PCBP3: variants seen among roughly 807,000 people sequenced by gnomAD.
PCBP3 encodes poly(rC) binding protein 3.
A neutral mutation model predicts 52.7 loss-of-function variants in PCBP3; 25 were observed. The ratio of observed to expected loss-of-function variants is 0.47; its 90% CI spans 0.35 to 0.66. The LOEUF (loss-of-function observed/expected upper bound fraction) is 0.66. PCBP3 is among the 30% of genes least tolerant of loss of function. The pLI is 0.01. For missense variants in PCBP3, 391 were observed against 490.3 expected, an observed-to-expected ratio of 0.80 and a Z score of 1.91; for synonymous variants, 162 against 183.0, an observed-to-expected ratio of 0.89 and a Z score of 0.93.
intron 4 of PCBP3, among the ~76,000 whole-genome samples, chr21:45,794,264 A>C (rs938295017): frequency 3.3e-5 from 5 of 152,222 alleles, no homozygotes; most frequent in African/African-American, 1.2e-4. Flanking sequence ...GAAAATTTAC[A>C]AATTAGCTGG....
rs530604948 is a variant in PCBP3, at chr21:45,791,737, G to A, written c.-126+36285G>A. On this transcript the variant is annotated intron_variant, in intron 4 of 17. Transcript: ENST00000681687. This position sits in a 1 kb window ranked among gnomAD's most constrained non-coding sequence, Gnocchi z 4.2. ...AGAATAGTACTACTTGGTTTCCCTG[G>A]TAACTGCCAACCGCTTGACTGACTG... Among the ~76,000 whole-genome samples the A allele has an allele frequency of 1.3e-5, 2 of 152,338 alleles. No homozygotes were observed. The highest frequency in any genetic ancestry group is 4.8e-5 in the African/African-American group (2 of 41,572).
intron 4 of PCBP3, among the ~76,000 whole-genome samples, chr21:45,834,974 G>A (rs1213077154): frequency 6.6e-6 from 1 of 152,236 alleles, no homozygotes; most frequent in Non-Finnish European, 1.5e-5. Context: ...GTGTCCACCC[G>A]TGCTCGGGGT....
At position 45,818,053 on chromosome 21, in the gene PCBP3, C is replaced by T. The variant is rs549167699; in HGVS notation, c.-125-31908C>T. ...ATTATTATTTTTTGAGACAGAGTCTCGCACTGTCGCCCAGGCTGGAGTGCA... is the reference window on the plus strand; with the variant it reads ...ATTATTATTTTTTGAGACAGAGTCTTGCACTGTCGCCCAGGCTGGAGTGCA... On this transcript the variant is annotated intron_variant, in intron 4 of 17. Coordinates refer to ENST00000681687, the MANE Select transcript of PCBP3 (RefSeq NM_001384156.1). Among the ~76,000 whole-genome samples the T allele has an allele frequency of 2.3e-4, 35 of 152,158 alleles. No individual in the cohort carries two copies. In the East Asian group the frequency reaches 4.6e-3, roughly 20 times the overall value.
intron 2 of PCBP3, among the ~76,000 whole-genome samples, chr21:45,695,362 C>G (rs1204770556): frequency 1.3e-5 from 2 of 152,104 alleles, no homozygotes; most frequent in Non-Finnish European, 2.9e-5. Flanking sequence ...GATGGCATGG[C>G]AGCCAGTGGG....
At chr21:45,909,882 CACCCACTGCCCAGATACAGACCCGG>C in intron 10 of PCBP3, among the ~76,000 whole-genome samples, 1 of 111,374 alleles carries the variant, frequency 9.0e-6, no homozygotes, top group African/African-American at 3.4e-5. Flanking sequence ...CGGACCCGGC[CACCCACTGCCCAGATACAGACCCGG>C]CCCACCCACT....
intron 2 of PCBP3, among the ~76,000 whole-genome samples, chr21:45,681,435 A>G (rs1444192188): frequency 1.3e-5 from 2 of 152,212 alleles, no homozygotes; most frequent in Non-Finnish European, 2.9e-5. Flanking sequence ...TTCTTTGTAC[A>G]GAGGCTCCCT....
intron 2 of PCBP3, among the ~76,000 whole-genome samples, chr21:45,694,806 G>C (rs940460235): frequency 6.6e-6 from 1 of 152,108 alleles, no homozygotes; most frequent in Non-Finnish European, 1.5e-5. Flanking sequence ...AAAAATTAAA[G>C]AATGCTTAAG....
At chr21:45,901,172 G>T in intron 9 of PCBP3, 59 bp downstream of exon 9, 9 of 1,229,164 alleles carry the variant, frequency 7.3e-6, no homozygotes, top group Non-Finnish European at 1.1e-5. Context: ...GTCCCAGCTG[G>T]CTCCCTGGGT....
At chr21:45,898,087 A>C (rs1421930001) in intron 6 of PCBP3, among the ~76,000 whole-genome samples, 1 of 152,074 alleles carries the variant, frequency 6.6e-6, no homozygotes, top group Non-Finnish European at 1.5e-5. Context: ...TCATTCCTGC[A>C]GTGGAGACAG....
chr21:45,848,007 G>A (rs562886112), intron 4 of PCBP3, among the ~76,000 whole-genome samples: 1 of 152,168 alleles, frequency 6.6e-6, no homozygotes, highest in South Asian at 2.1e-4. Flanking sequence ...CTCTTGGTCA[G>A]CCTCATGTTC....
chr21:45,910,018 T>C (rs1373652388), intron 10 of PCBP3, among the ~76,000 whole-genome samples: 14 of 31,756 alleles, frequency 4.4e-4, no homozygotes, highest in Admixed American at 9.4e-4. Context: ...AATATGGACC[T>C]GGCCCACCCA....
chr21:45,808,007 A>G (rs931010001), intron 4 of PCBP3, among the ~76,000 whole-genome samples: 1 of 152,228 alleles, frequency 6.6e-6, no homozygotes, highest in Non-Finnish European at 1.5e-5. Flanking sequence ...CAGAAAACTG[A>G]AACTGGACCC....
chr21:45,759,213 T>C (rs899141640), intron 4 of PCBP3, among the ~76,000 whole-genome samples: 2 of 152,204 alleles, frequency 1.3e-5, no homozygotes, highest in Non-Finnish European at 2.9e-5. Flanking sequence ...CTTTTCTGTT[T>C]TCAGGAGTTT....
intron 4 of PCBP3, among the ~76,000 whole-genome samples, chr21:45,814,850 G>T (rs1569259264): frequency 8.2e-6 from 1 of 121,380 alleles, no homozygotes; most frequent in African/African-American, 3.6e-5. Flanking sequence ...TGATGAGTGA[G>T]TGGTGAGTGA....
At chr21:45,875,401 C>T (rs960547053) in intron 5 of PCBP3, among the ~76,000 whole-genome samples, 1 of 152,260 alleles carries the variant, frequency 6.6e-6, no homozygotes, top group African/African-American at 2.4e-5. Context: ...GCCCAGTACT[C>T]GCCTTGCTGC....
intron 9 of PCBP3, among the ~76,000 whole-genome samples, chr21:45,902,370 G>A (rs1173386819): frequency 6.6e-6 from 1 of 152,034 alleles, no homozygotes; most frequent in Non-Finnish European, 1.5e-5. Context: ...ACTGTCTGTA[G>A]GTTGTCTCTT....
chr21:45,859,046 C>T (rs981941853), intron 5 of PCBP3: 2 of 152,284 alleles, frequency 1.3e-5, no homozygotes, highest in African/African-American at 2.4e-5. Context: ...TACACAGTCT[C>T]GGGTATGTCT....
At chr21:45,674,541 C>A (rs1199583008) in intron 2 of PCBP3, among the ~76,000 whole-genome samples, 1 of 152,040 alleles carries the variant, frequency 6.6e-6, no homozygotes, top group South Asian at 2.1e-4. Context: ...GCATATATGG[C>A]CCTTTCACAG....
chr21:45,861,061 C>A (rs899627064), intron 5 of PCBP3, among the ~76,000 whole-genome samples: 9 of 152,182 alleles, frequency 5.9e-5, no homozygotes, highest in Non-Finnish European at 1.0e-4. Flanking sequence ...TGCCCCAGTT[C>A]CCCTCCTGCC....
Sources: allele counts gnomAD v4.1 joint callset (sites outside exome capture counted in the v4.1 genomes callset), GRCh38; gene constraint gnomAD v4.1.1; non-coding constraint Gnocchi (gnomAD v3.1); transcripts MANE v1.5; gene names NCBI Gene and HGNC (gene_info 2026-07-23, HGNC 2026-07-21).